SHPRH: variants seen among roughly 807,000 people sequenced by gnomAD.
SHPRH encodes the protein SNF2 histone linker PHD RING helicase.
In SHPRH, 106 loss-of-function variants were observed where a neutral mutation model predicts 202.5. The observed-to-expected ratio is 0.52, with a 90% CI of 0.45 to 0.62. The LOEUF (loss-of-function observed/expected upper bound fraction) is 0.62. Among genes scored for constraint, SHPRH ranks in the 20% least tolerant of loss-of-function variants. The probability of loss-of-function intolerance (pLI) is 0.00; values close to 1 mark genes in which losing one functional copy is unlikely to be tolerated. For missense variants in SHPRH, 1,710 were observed against 2,020.0 expected, an observed-to-expected ratio of 0.85 and a Z score of 2.94; for synonymous variants, 729 against 686.0, an observed-to-expected ratio of 1.06 and a Z score of -0.98.
At chr6:145,871,024 T>C (rs1050149415) in intron 2 of SHPRH, 1 of 152,178 alleles carries the variant, frequency 6.6e-6, no homozygotes, top group African/African-American at 2.4e-5. Context: ...TTAAAAACTC[T>C]CAATAAACTA....
chr6:145,935,567 G>T, intron 11 of SHPRH, 126 bp from the exon 12 acceptor site: 4 of 872,986 alleles, frequency 4.6e-6, no homozygotes, highest in East Asian at 2.7e-5. Context: ...GGCTGTATAG[G>T]CTCTTAAATC....
chr6:145,891,582 C>T (rs1361500364), intron 28 of SHPRH, among the ~76,000 whole-genome samples: 2 of 152,126 alleles, frequency 1.3e-5, no homozygotes, highest in African/African-American at 4.8e-5. Context: ...GTGCCTGGCA[C>T]ACAGAAGATA....
At chr6:145,926,386 C>A (rs1041977426) in intron 15 of SHPRH, 90 bp from the exon 16 acceptor site, 6 of 1,044,224 alleles carry the variant, frequency 5.7e-6, no homozygotes, top group Non-Finnish European at 8.8e-6. Context: ...AGAACACTAA[C>A]ACCACATTAA....
chr6:145,917,759 C>T (rs927215286), intron 23 of SHPRH: 1 of 157,722 alleles, frequency 6.3e-6, no homozygotes, highest in African/African-American at 2.4e-5. Flanking sequence ...TCGAAACACA[C>T]TTCAGTTTCA....
rs192766739 is a variant in SHPRH, at chr6:145,914,015, C to T, written c.4255-466G>A. 4.9e-4 allele frequency among the ~76,000 whole-genome samples: 74 copies of T among 152,080 alleles called. 1 individual carries two copies. Among genetic ancestry groups the T allele is most frequent in the African/African-American group, 1.7e-3 (70 of 41,492 alleles). Reference sequence around the variant, plus strand: ...TATATATTTGCAGTTCTATAATGTCCATTTGATCTTACCATATAGATTCCA... The same window carrying T: ...TATATATTTGCAGTTCTATAATGTCTATTTGATCTTACCATATAGATTCCA... On this transcript the variant is annotated intron_variant, in intron 23 of 29. Transcript: ENST00000275233.
intron 25 of SHPRH, among the ~76,000 whole-genome samples, chr6:145,899,692 C>T (rs547680971): frequency 2.0e-5 from 3 of 152,146 alleles, no homozygotes; most frequent in African/African-American, 4.8e-5. Flanking sequence ...AGCTTCTGCA[C>T]AGCAAAGGAA....
downstream of SHPRH, among the ~76,000 whole-genome samples, chr6:145,861,902 A>G (rs572797440): frequency 6.6e-6 from 1 of 152,334 alleles, no homozygotes; most frequent in Non-Finnish European, 1.5e-5. Context: ...GAAATAAGCC[A>G]GACGCAGAAA....
intron 8 of SHPRH, 75 bp downstream of exon 8, chr6:145,945,306 G>T (rs2128787378): frequency 7.0e-7 from 1 of 1,435,152 alleles, no homozygotes; most frequent in Non-Finnish European, 9.2e-7. Flanking sequence ...CAGTTTCAAG[G>T]TGGGATCTGT....
chr6:145,880,744 A>G (rs539408452), downstream of SHPRH, among the ~76,000 whole-genome samples: 17 of 151,886 alleles, frequency 1.1e-4, no homozygotes, highest in Non-Finnish European at 2.5e-4. Flanking sequence ...AAATATATAC[A>G]TTACAAAATA....
At chr6:145,936,628 G>A (rs1338666111) in intron 11 of SHPRH, among the ~76,000 whole-genome samples, 1 of 151,872 alleles carries the variant, frequency 6.6e-6, no homozygotes, top group Non-Finnish European at 1.5e-5. Context: ...TGTCCGGGTT[G>A]TAATTTTCTT....
At chr6:145,954,656 A>T (rs753743098) in intron 2 of SHPRH, 34 bp downstream of exon 2, 1 of 1,532,998 alleles carries the variant, frequency 6.5e-7, no homozygotes, top group African/African-American at 1.4e-5. Context: ...AATGTAGAAG[A>T]GCCTCAAAAA....
Position 145,963,908 on chromosome 6 carries a change from T to A in SHPRH, c.-210A>T, listed in dbSNP as rs376645186. Reference sequence around the variant, plus strand: ...GACAAACACCGCAGGCCCCAGTGCATGAGGAGAAGCACAGCCTCCTTTCCC... The same window carrying A: ...GACAAACACCGCAGGCCCCAGTGCAAGAGGAGAAGCACAGCCTCCTTTCCC... On this transcript the variant is annotated 5_prime_UTR_variant, in exon 1 of 30. An upstream start codon of the reference 5' UTR is lost. Transcript: ENST00000275233. The A allele has an allele frequency of 1.3e-5, 2 of 152,374 alleles. No individual in the cohort carries two copies. The highest frequency in any genetic ancestry group is 2.9e-5 in the Non-Finnish European group (2 of 68,082). The allele number at this position is 152,374 out of a possible 1,614,324, so 9.4% of individuals were successfully genotyped here.
intron 6 of SHPRH, among the ~76,000 whole-genome samples, chr6:145,946,825 G>C (rs1232450966): frequency 6.6e-6 from 1 of 151,770 alleles, no homozygotes; most frequent in Non-Finnish European, 1.5e-5. Flanking sequence ...TAATGCTAAA[G>C]CTGTGAGACT....
At chr6:145,876,624 T>C (rs1360063951) in intron 2 of SHPRH, 63 of 152,232 alleles carry the variant, frequency 4.1e-4, no homozygotes, top group Admixed American at 4.1e-3. Flanking sequence ...ATAATGCTGC[T>C]ATAAATATTC....
chr6:145,942,153 C>T (rs948119371), intron 9 of SHPRH, among the ~76,000 whole-genome samples: 18 of 152,080 alleles, frequency 1.2e-4, no homozygotes, highest in Non-Finnish European at 1.5e-4. Context: ...GAGTTAAAAC[C>T]TGAGGTATAT....
At chr6:145,892,800 A>G (rs1057007663) in intron 28 of SHPRH, among the ~76,000 whole-genome samples, 1 of 152,074 alleles carries the variant, frequency 6.6e-6, no homozygotes, top group Admixed American at 6.6e-5. Context: ...ATTTATTTTC[A>G]GTCATGTACA....
chr6:145,897,243 A>T (rs1295604446), intron 25 of SHPRH, among the ~76,000 whole-genome samples: 1 of 152,012 alleles, frequency 6.6e-6, no homozygotes, highest in Non-Finnish European at 1.5e-5. Flanking sequence ...ACAGAGAATC[A>T]TGAGACTTAT....
chr6:145,887,882 AG>A, intron 29 of SHPRH, 137 bp downstream of exon 29: 1 of 635,996 alleles, frequency 1.6e-6, no homozygotes. Context: ...AACAGTGAAA[AG>A]GCAAAACGTC....
chr6:145,921,198 T>G lies in SHPRH; in HGVS notation c.3977A>C (p.Asp1326Ala), dbSNP rs764510055. ...EFVDEGSTSM[D>A]LFEAWKKEYK... The stretch of plus-strand genomic sequence containing the variant: ...TTCCTTCTTCCATGCTTCAAAGAGA[T>G]CCATTGAAGTGCTTCCTTCATCAAC... The change falls in exon 21 of 30, where the codon GAT (aspartate) becomes GCT (alanine). Residue 1326 changes from aspartate to alanine, a missense_variant. Coordinates refer to ENST00000275233, the MANE Select transcript of SHPRH (RefSeq NM_001042683.3). 2 of 1,612,384 alleles carry G rather than the reference T, an allele frequency of 1.2e-6. No individual in the cohort carries two copies. Among genetic ancestry groups the G allele is most frequent in the Non-Finnish European group, 1.7e-6 (2 of 1,178,968 alleles).
Sources: gnomAD v4.1 joint callset for allele counts (sites outside exome capture counted in the v4.1 genomes callset) on GRCh38, gnomAD v4.1.1 for gene constraint, MANE v1.5 for transcripts, NCBI Gene and HGNC (gene_info 2026-07-23, HGNC 2026-07-21) for gene names.